CPA6: variants seen among roughly 807,000 people sequenced by gnomAD.
CPA6 encodes the protein carboxypeptidase A6.
In CPA6, 58 loss-of-function variants were observed where a neutral mutation model predicts 63.3. That is an observed-to-expected ratio of 0.92 (90% CI 0.74 to 1.14). The LOEUF (loss-of-function observed/expected upper bound fraction) is 1.14. CPA6 is among the 50% of genes most tolerant of loss of function. The pLI is 0.00. For synonymous variants in CPA6, 185 were observed against 179.0 expected, an observed-to-expected ratio of 1.03 and a Z score of -0.27; for missense variants, 565 against 526.6, an observed-to-expected ratio of 1.07 and a Z score of -0.71.
chr8:67,512,746 T>C (rs1487158755), intron 3 of CPA6, among the ~76,000 whole-genome samples: 1 of 152,236 alleles, frequency 6.6e-6, no homozygotes, highest in Non-Finnish European at 1.5e-5. Flanking sequence ...ATATTTTATT[T>C]TCCAAAAGAA....
chr8:67,688,284 T>C (rs1417316336), intron 1 of CPA6, among the ~76,000 whole-genome samples: 1 of 152,206 alleles, frequency 6.6e-6, no homozygotes, highest in African/African-American at 2.4e-5. Flanking sequence ...TAGAGAAGTT[T>C]AACCCAAATG....
intron 1 of CPA6, among the ~76,000 whole-genome samples, chr8:67,678,571 C>A (rs1335361413): frequency 6.6e-6 from 1 of 152,160 alleles, no homozygotes; most frequent in Non-Finnish European, 1.5e-5. Context: ...ATACTCAATG[C>A]AACACCATCA....
At position 67,624,261 on chromosome 8, in the gene CPA6, A is replaced by T. The variant is rs1815148737; in HGVS notation, c.117-10T>A. 7.4e-7 allele frequency: 1 copy of T among 1,358,684 alleles called. No homozygotes were observed. The highest frequency in any genetic ancestry group is 1.2e-5 in the South Asian group (1 of 80,782). The allele number at this position is 1,358,684 out of a possible 1,614,324, so 84.2% of individuals were successfully genotyped here. A position where few individuals can be genotyped will look rare whatever the true frequency, so the allele number is the denominator to read the frequency against. ...TCTTATCACTTTATCACTACAAGAT[A>T]AGAAAAGAAAGATGATAATTACTTT... On this transcript the variant is annotated splice_polypyrimidine_tract_variant and intron_variant, in intron 1 of 10. Coordinates refer to ENST00000297770, the MANE Select transcript of CPA6 (RefSeq NM_020361.5).
In CPA6 at chr8:67,484,709, G is replaced by T; in HGVS notation, c.717C>A (p.Asn239Lys). 6.2e-7 allele frequency: 1 copy of T among 1,605,684 alleles called. No homozygotes were observed. The highest frequency in any genetic ancestry group is 8.5e-7 in the Non-Finnish European group (1 of 1,172,830). Residue 239 changes from asparagine to lysine, a missense_variant, in exon 7 of 11, where the codon AAC becomes AAA. By Grantham distance (94) the Asn-to-Lys change is moderately conservative (BLOSUM62 0). Coordinates refer to ENST00000297770, the MANE Select transcript of CPA6 (RefSeq NM_020361.5). ...HLYFYIMPVFNVDGYHFSWTN... is the reference protein window; with the variant it reads ...HLYFYIMPVFKVDGYHFSWTN... ...TCCAACTAAAATGGTATCCATCGAC[G>T]TTAAACACAGGCATGATATAGAAAT...
chr8:67,437,144 C>T (rs1288421053), intron 8 of CPA6, among the ~76,000 whole-genome samples: 2 of 152,148 alleles, frequency 1.3e-5, no homozygotes, highest in Non-Finnish European at 2.9e-5. Flanking sequence ...GCTTGTAATC[C>T]CAGCACTTTG....
At chr8:67,686,892 T>C (rs1305372624) in intron 1 of CPA6, among the ~76,000 whole-genome samples, 1 of 152,174 alleles carries the variant, frequency 6.6e-6, no homozygotes, top group African/African-American at 2.4e-5. Context: ...CTTTTATATG[T>C]TCAGCGTGGG....
intron 2 of CPA6, among the ~76,000 whole-genome samples, chr8:67,539,526 A>T (rs149805693): frequency 2.9e-3 from 435 of 152,140 alleles, no homozygotes; most frequent in African/African-American, 9.9e-3. Flanking sequence ...GCATTTCCTG[A>T]ATTTCAATGT....
chr8:67,581,015 G>A (rs547936567), intron 2 of CPA6, among the ~76,000 whole-genome samples: 1 of 152,136 alleles, frequency 6.6e-6, no homozygotes, highest in Non-Finnish European at 1.5e-5. Flanking sequence ...GTGGGATGAT[G>A]ATTTCTTGGA....
intron 8 of CPA6, among the ~76,000 whole-genome samples, chr8:67,460,869 G>A (rs1312623713): frequency 6.6e-6 from 1 of 152,066 alleles, no homozygotes; most frequent in African/African-American, 2.4e-5. Context: ...CTCTAGCGAA[G>A]TACCAGGAGA....
At chr8:67,584,898 T>G (rs146507179) in intron 2 of CPA6, among the ~76,000 whole-genome samples, 2 of 152,186 alleles carry the variant, frequency 1.3e-5, no homozygotes, top group Non-Finnish European at 2.9e-5. Context: ...TGTACAGGAC[T>G]GTTTGGAGGG....
At chr8:67,617,925 CTGTT>C (rs34328858) in intron 2 of CPA6, among the ~76,000 whole-genome samples, 34,548 of 151,998 alleles carry the variant, frequency 0.23, 4,102 homozygotes, top group Middle Eastern at 0.32. Context: ...CACGGCATGG[CTGTT>C]TGTTTTTGCA....
At chr8:67,631,923 G>A (rs531208730) in intron 1 of CPA6, among the ~76,000 whole-genome samples, 1 of 151,958 alleles carries the variant, frequency 6.6e-6, no homozygotes, top group Non-Finnish European at 1.5e-5. Context: ...CCCACCAGAA[G>A]GAAAAACCTC....
chr8:67,746,123 A>T lies in CPA6; in HGVS notation c.7T>A (p.Cys3Ser). Residue 3 changes from cysteine (C) to serine (S), a missense_variant, in exon 1 of 11, where the codon TGT (cysteine) becomes AGT (serine). Cys to Ser is a moderately radical substitution (Grantham distance 112). Coordinates refer to ENST00000297770, the MANE Select transcript of CPA6 (RefSeq NM_020361.5). ...GCCTGGCCCCTGCGCTTCCCGAGAC[A>T]CTTCATAGTGTTAAGAAGAGAGGAG... MK[C>S]LGKRRGQAAA... 6.2e-7 allele frequency: 1 copy of T among 1,612,520 alleles called. No individual in the cohort carries two copies.
chr8:67,730,773 A>G (rs1307790272), intron 1 of CPA6, among the ~76,000 whole-genome samples: 1 of 152,230 alleles, frequency 6.6e-6, no homozygotes, highest in East Asian at 1.9e-4. Flanking sequence ...ATCATAGTGG[A>G]TATCTTTAGA....
chr8:67,701,259 C>G (rs1449287720), intron 1 of CPA6, among the ~76,000 whole-genome samples: 1 of 152,142 alleles, frequency 6.6e-6, no homozygotes, highest in Non-Finnish European at 1.5e-5. Context: ...TAGGGTGCTA[C>G]TGAGCACTCA....
At chr8:67,710,404 CCCCCCCCCAACCCCCCA>C (rs1377164677) in intron 1 of CPA6, among the ~76,000 whole-genome samples, 1 of 109,752 alleles carries the variant, frequency 9.1e-6, no homozygotes, top group Non-Finnish European at 1.6e-5. Context: ...CCCGCCCCCA[CCCCCCCCCAACCCCCCA>C]CCCCGAAAGA....
intron 4 of CPA6, 137 bp downstream of exon 4, chr8:67,511,404 C>T: frequency 1.6e-6 from 1 of 628,702 alleles, no homozygotes; most frequent in Admixed American, 2.4e-5. Flanking sequence ...GTAAAAGCTA[C>T]ATATATTCTT....
chr8:67,594,871 C>T (rs1024507079), intron 2 of CPA6, among the ~76,000 whole-genome samples: 4 of 152,218 alleles, frequency 2.6e-5, no homozygotes, highest in East Asian at 1.9e-4. Flanking sequence ...AAGCCTTCTT[C>T]TCTCAACTCG....
intron 1 of CPA6, among the ~76,000 whole-genome samples, chr8:67,686,873 T>C (rs752858742): frequency 1.3e-4 from 20 of 152,168 alleles, no homozygotes; most frequent in Non-Finnish European, 2.1e-4. Context: ...GAAAAATACA[T>C]AGAACTGACT....
Sources: gnomAD v4.1 joint callset for allele counts (sites outside exome capture counted in the v4.1 genomes callset) on GRCh38, gnomAD v4.1.1 for gene constraint, MANE v1.5 for transcripts, NCBI Gene and HGNC (gene_info 2026-07-23, HGNC 2026-07-21) for gene names.